RTN4: variants seen among roughly 807,000 people sequenced by gnomAD.
RTN4 encodes reticulon-4.
In RTN4, 32 loss-of-function variants were observed where a neutral mutation model predicts 90.4. The observed-to-expected ratio is 0.35, with a 90% CI of 0.27 to 0.48. The LOEUF is 0.48. RTN4 is among the 20% of genes least tolerant of loss of function. The pLI is 0.99. For missense variants in RTN4, 1,706 were observed against 1,430.2 expected, an observed-to-expected ratio of 1.19 and a Z score of -3.11; for synonymous variants, 629 against 552.5, an observed-to-expected ratio of 1.14 and a Z score of -1.94.
chr2:55,111,373 C>T (rs1205112188), intron 1 of RTN4, among the ~76,000 whole-genome samples: 6 of 152,136 alleles, frequency 3.9e-5, no homozygotes, highest in Non-Finnish European at 5.9e-5. Flanking sequence ...ACAGAAACAA[C>T]GAAATATCCA....
the RTN4 span, among the ~76,000 whole-genome samples, chr2:55,128,262 A>G: frequency 2.0e-5 from 3 of 152,158 alleles, no homozygotes; most frequent in Non-Finnish European, 4.4e-5. Context: ...GGAAATTGCA[A>G]GGAAAGGATG....
chr2:55,064,214 A>AG (rs1300208665), intron 2 of RTN4, among the ~76,000 whole-genome samples: 7 of 151,478 alleles, frequency 4.6e-5, no homozygotes, highest in South Asian at 2.1e-4. Context: ...TAAAAAAAAA[A>AG]AAAGAAAGAA....
At chr2:55,022,470 G>A (rs1156725764) in intron 3 of RTN4, among the ~76,000 whole-genome samples, 1 of 152,152 alleles carries the variant, frequency 6.6e-6, no homozygotes, top group East Asian at 1.9e-4. Flanking sequence ...CTTGCTAAAT[G>A]AAGGCTAAAT....
At chr2:55,087,149 T>TG (rs1478049394) in intron 1 of RTN4, among the ~76,000 whole-genome samples, 1 of 152,192 alleles carries the variant, frequency 6.6e-6, no homozygotes, top group Admixed American at 6.5e-5. Flanking sequence ...TGGTTATGTT[T>TG]GGGGGTACTG....
intron 2 of RTN4, among the ~76,000 whole-genome samples, chr2:55,058,565 A>T (rs1267953458): frequency 6.6e-6 from 1 of 152,208 alleles, no homozygotes; most frequent in Non-Finnish European, 1.5e-5. Flanking sequence ...CTTATAGTAG[A>T]ATCCCAAATG....
At chr2:55,006,827 CCTG>C (rs1250639859) in intron 3 of RTN4, among the ~76,000 whole-genome samples, 1 of 152,066 alleles carries the variant, frequency 6.6e-6, no homozygotes, top group Non-Finnish European at 1.5e-5. Flanking sequence ...GTTACACTAT[CCTG>C]CTTCTTTTAC....
chr2:55,106,523 T>TA (rs1667946956), intron 1 of RTN4, among the ~76,000 whole-genome samples: 2 of 152,222 alleles, frequency 1.3e-5, no homozygotes, highest in East Asian at 3.9e-4. Context: ...TAATATTTAT[T>TA]AAACTTTTTT....
At position 55,026,449 on chromosome 2, in the gene RTN4, C is replaced by G. The variant is rs1681881992; in HGVS notation, c.1650G>C (p.Leu550=). The change falls in exon 3 of 9, where the codon CTG becomes CTC. Residue 550 remains leucine (L), a synonymous_variant. Coordinates refer to ENST00000337526, the MANE Select transcript of RTN4 (RefSeq NM_020532.5). Reference sequence around the variant, plus strand: ...ATGCTTCCTGTACTAAATCTGGAGTCAGGCCTTCAGGCATGTTTGCCACGA... The same window carrying G: ...ATGCTTCCTGTACTAAATCTGGAGTGAGGCCTTCAGGCATGTTTGCCACGA... The part of the protein sequence containing the change: ...EEVVANMPEG[L]TPDLVQEACE... The G allele has an allele frequency of 1.2e-6, 2 of 1,613,854 alleles. No individual in the cohort carries two copies. Among genetic ancestry groups the G allele is most frequent in the South Asian group, 1.1e-5 (1 of 91,060 alleles).
chr2:55,014,062 T>C (rs1258723504), intron 3 of RTN4, among the ~76,000 whole-genome samples: 1 of 152,220 alleles, frequency 6.6e-6, no homozygotes, highest in African/African-American at 2.4e-5. Context: ...CACAAAGGTA[T>C]GAAATTAACA....
chr2:55,136,165 G>C, the RTN4 span, among the ~76,000 whole-genome samples: 20,901 of 152,156 alleles, frequency 0.14, 1,746 homozygotes, highest in Non-Finnish European at 0.19. Context: ...GAAGTTGGGT[G>C]AGTGGGCTCA....
At chr2:55,002,509 T>A (rs140460690) in intron 3 of RTN4, among the ~76,000 whole-genome samples, 122 of 152,330 alleles carry the variant, frequency 8.0e-4, no homozygotes, top group African/African-American at 2.9e-3. Flanking sequence ...ACATGCTTCA[T>A]TTATAATTAA....
At chr2:55,075,061 C>T (rs982809648) in intron 2 of RTN4, among the ~76,000 whole-genome samples, 3 of 152,142 alleles carry the variant, frequency 2.0e-5, no homozygotes, top group African/African-American at 7.2e-5. Flanking sequence ...CAACATAGTA[C>T]TAGAAGTCCT....
intron 3 of RTN4, among the ~76,000 whole-genome samples, chr2:55,009,116 C>T (rs1280575313): frequency 6.6e-6 from 1 of 152,060 alleles, no homozygotes; most frequent in Non-Finnish European, 1.5e-5. Flanking sequence ...GTAAAAGTTA[C>T]TGTAATTAGC....
chr2:55,102,846 C>T (rs964201644), intron 1 of RTN4, among the ~76,000 whole-genome samples: 8 of 152,184 alleles, frequency 5.3e-5, no homozygotes, highest in South Asian at 2.1e-4. Flanking sequence ...TGGCCGGGTG[C>T]GGTGGCTCAC....
intron 1 of RTN4, among the ~76,000 whole-genome samples, chr2:55,101,796 T>G (rs1268715984): frequency 6.6e-6 from 1 of 152,094 alleles, no homozygotes; most frequent in Non-Finnish European, 1.5e-5. Flanking sequence ...ATAAGCAAAT[T>G]AATTAATTTT....
chr2:55,002,833 T>C (rs1436085167), intron 3 of RTN4, among the ~76,000 whole-genome samples: 1 of 152,212 alleles, frequency 6.6e-6, no homozygotes, highest in Non-Finnish European at 1.5e-5. Flanking sequence ...CTATGACAAG[T>C]CTGTATTTCT....
At chr2:55,023,656 C>T (rs1203901300) in intron 3 of RTN4, among the ~76,000 whole-genome samples, 1 of 152,022 alleles carries the variant, frequency 6.6e-6, no homozygotes, top group Non-Finnish European at 1.5e-5. Context: ...GTCCTACCTC[C>T]ACTGCATACT....
chr2:55,074,615 G>C (rs958596525), intron 2 of RTN4, among the ~76,000 whole-genome samples: 3 of 151,172 alleles, frequency 2.0e-5, no homozygotes, highest in African/African-American at 7.3e-5. Context: ...ATGAAGAAAG[G>C]ATATAACAAA....
intron 5 of RTN4, 89 bp downstream of exon 5, chr2:54,982,426 A>G: frequency 9.2e-7 from 1 of 1,087,490 alleles, no homozygotes; most frequent in South Asian, 1.6e-5. Context: ...TTTATCATTT[A>G]CTTGAATATA....
Sources: gnomAD v4.1 joint callset for allele counts (sites outside exome capture counted in the v4.1 genomes callset) on GRCh38, gnomAD v4.1.1 for gene constraint, MANE v1.5 for transcripts, NCBI Gene and HGNC (gene_info 2026-07-23, HGNC 2026-07-21) for gene names.